The following YES1 variants were observed in gnomAD, a reference collection of about 807,000 sequenced individuals.
YES1 encodes tyrosine-protein kinase Yes.
Under a neutral mutation model 70.4 loss-of-function variants are expected in YES1, and 39 were observed. The observed-to-expected ratio is 0.55, with a 90% CI of 0.43 to 0.72. YES1 has a LOEUF of 0.72. YES1 is among the 30% of genes least tolerant of loss of function. The pLI is 0.00. For missense variants in YES1, 495 were observed against 644.8 expected (o/e 0.77, Z 2.52); for synonymous variants, 198 against 218.6 (o/e 0.91, Z 0.83).
rs374280156 is a variant in YES1 at position 730,834 on chromosome 18, C to T, written c.1423+2000G>A. ...CCTCATGGTTATACATTTAAAGTGA[C>T]ACTATGTTGCATGGCTGTGTGGTTT... On this transcript the variant is annotated intron_variant, in intron 11 of 11. Coordinates refer to ENST00000314574, the MANE Select transcript of YES1 (RefSeq NM_005433.4). 8.5e-5 allele frequency among the ~76,000 whole-genome samples: 13 copies of T among 152,286 alleles called. No individual in the cohort carries two copies. The East Asian group carries it at 1.3e-3, about 16-fold the overall frequency.
rs2079992216 is a variant in YES1, at chr18:724,295, T to C, written c.*129A>G. On this transcript the variant is annotated 3_prime_UTR_variant, in exon 12 of 12. Transcript: ENST00000314574. The stretch of plus-strand genomic sequence containing the variant: ...AAAAAAGTGGTTTTGTGCAACCATA[T>C]CTGGGATTCCAGTTTACCATTAAAA... 1.1e-6 allele frequency: 1 copy of C among 910,934 alleles called. No homozygotes were observed. The highest frequency in any genetic ancestry group is 1.6e-6 in the Non-Finnish European group (1 of 610,498). The allele number at this position is 910,934 out of a possible 1,614,324, so 56.4% of individuals were successfully genotyped here. A position where few individuals can be genotyped will look rare whatever the true frequency, so the allele number is the denominator to read the frequency against.
chr18:780,746 G>T (rs1490215803), intron 1 of YES1, among the ~76,000 whole-genome samples: 9 of 152,054 alleles, frequency 5.9e-5, no homozygotes, highest in Non-Finnish European at 8.8e-5. Flanking sequence ...CTATAGGGTT[G>T]CCTATACTTC....
rs547714541 is a variant in YES1 at position 726,428 on chromosome 18, A to G, written c.1424-1796T>C. Among the ~76,000 whole-genome samples, 201 of 150,972 alleles carry G rather than the reference A, an allele frequency of 1.3e-3. 1 individual carries two copies. In the Middle Eastern group the frequency reaches 0.021, roughly 16 times the overall value. On this transcript the variant is annotated intron_variant, in intron 11 of 11. Transcript: ENST00000314574. The stretch of plus-strand genomic sequence containing the variant: ...TGACAGAGTGGGACTCCATCTCAAA[A>G]ACACAAAAACAAAAACAACTTCACT...
chr18:735,221 T>C (rs1037994762), intron 10 of YES1, among the ~76,000 whole-genome samples: 3 of 149,236 alleles, frequency 2.0e-5, no homozygotes, highest in African/African-American at 7.4e-5. Flanking sequence ...AGCAGCACAA[T>C]TCGCAATTGC....
At chr18:744,590 A>G (rs1479394409) in intron 6 of YES1, among the ~76,000 whole-genome samples, 1 of 148,164 alleles carries the variant, frequency 6.7e-6, no homozygotes, top group African/African-American at 2.5e-5. Context: ...GGGTTTTGCC[A>G]TGTTGCCCAG....
intron 10 of YES1, among the ~76,000 whole-genome samples, chr18:734,809 G>A (rs62088290): frequency 0.12 from 18,172 of 152,036 alleles, 1,221 homozygotes; most frequent in East Asian, 0.27. Context: ...CTTAAAGAAC[G>A]AAAAGCAGAA....
chr18:793,792 C>T (rs961606127), intron 1 of YES1, among the ~76,000 whole-genome samples: 1 of 152,104 alleles, frequency 6.6e-6, no homozygotes, highest in African/African-American at 2.4e-5. Context: ...TGATAGGGAT[C>T]TATCAAAAGT....
chr18:729,094 C>T (rs2145667533), intron 11 of YES1, among the ~76,000 whole-genome samples: 1 of 152,266 alleles, frequency 6.6e-6, no homozygotes, highest in East Asian at 1.9e-4. Flanking sequence ...TTTCACTATG[C>T]CCCACTGGTT....
chr18:734,990 T>G (rs956345275), intron 10 of YES1, among the ~76,000 whole-genome samples: 12 of 151,866 alleles, frequency 7.9e-5, no homozygotes, highest in African/African-American at 2.9e-4. Flanking sequence ...AAACCGTGTC[T>G]CTACTAAAAT....
At chr18:785,622 C>T (rs1222270102) in intron 1 of YES1, among the ~76,000 whole-genome samples, 1 of 152,042 alleles carries the variant, frequency 6.6e-6, no homozygotes, top group Non-Finnish European at 1.5e-5. Context: ...ATCCACAATG[C>T]AACAGTGTTG....
At chr18:765,234 GGAAA>G (rs1363913014) in intron 1 of YES1, among the ~76,000 whole-genome samples, 1 of 104,298 alleles carries the variant, frequency 9.6e-6, no homozygotes, top group Non-Finnish European at 1.9e-5. Context: ...GACAGGTTTG[GGAAA>G]GAGTTACAAC....
Position 756,569 on chromosome 18 carries a change from C to T in YES1, c.259G>A (p.Ala87Thr), listed in dbSNP as rs576673688. 51 of 1,614,124 alleles carry T rather than the reference C, an allele frequency of 3.2e-5. 1 individual carries two copies. In the South Asian group the frequency reaches 3.5e-4, roughly 11 times the overall value. ...ATTTAAATCTCACCTGTTAAACCAG[C>T]AGGATATGAACTTGGCACCACTGAA... Reference protein sequence around the residue: ...SFSVVPSSYPAGLTGGVTIFV... With the variant: ...SFSVVPSSYPTGLTGGVTIFV... The change falls in exon 2 of 12, where the codon GCT becomes ACT. Residue 87 changes from alanine (A) to threonine (T), a missense_variant. Ala to Thr is a moderately conservative substitution (Grantham distance 58). Coordinates refer to ENST00000314574, the MANE Select transcript of YES1 (RefSeq NM_005433.4).
intron 1 of YES1, among the ~76,000 whole-genome samples, chr18:781,225 C>T (rs931687942): frequency 2.8e-5 from 4 of 141,650 alleles, no homozygotes; most frequent in Admixed American, 2.3e-4. Context: ...GCCGAGATCG[C>T]GCCATTGCAC....
intron 8 of YES1, among the ~76,000 whole-genome samples, chr18:741,861 T>C (rs979791048): frequency 3.5e-4 from 53 of 152,332 alleles, no homozygotes; most frequent in African/African-American, 1.3e-3. Context: ...TGGCAACTGT[T>C]TGCAGTAGAC....
intron 1 of YES1, among the ~76,000 whole-genome samples, chr18:771,862 G>A (rs745654368): frequency 1.2e-4 from 19 of 152,026 alleles, no homozygotes; most frequent in African/African-American, 4.1e-4. Context: ...ATTTCCTTAT[G>A]TATCTGCTTG....
At chr18:734,219 C>T (rs903304377) in intron 10 of YES1, among the ~76,000 whole-genome samples, 2 of 151,430 alleles carry the variant, frequency 1.3e-5, no homozygotes, top group Admixed American at 6.6e-5. Flanking sequence ...GCAGAGGTTG[C>T]AGTGAGCCAA....
In YES1 at chr18:756,722, G is replaced by T. The variant is rs1381607613; in HGVS notation, c.106C>A (p.Pro36Thr). Residue 36 changes from proline to threonine, a missense_variant, in exon 2 of 12, where the codon CCC becomes ACC. Transcript: ENST00000314574. ...GACGGACATGGTGACACTGTAGTGG[G>T]TTCTGCTCCATAATGGCTCACACTT... ...STSVSHYGAEPTTVSPCPSSS... is the reference protein window; with the variant it reads ...STSVSHYGAETTTVSPCPSSS... The T allele has an allele frequency of 1.2e-6, 2 of 1,614,018 alleles. No individual in the cohort carries two copies. The highest frequency in any genetic ancestry group is 2.2e-5 in the East Asian group (1 of 44,892).
chr18:727,945 CCAGA>C (rs1282798043), intron 11 of YES1, among the ~76,000 whole-genome samples: 2 of 152,058 alleles, frequency 1.3e-5, no homozygotes, highest in Non-Finnish European at 2.9e-5. Flanking sequence ...ATGTTTGGGA[CCAGA>C]AGTGTTTCCG....
At chr18:794,032 C>T (rs1906409605) in intron 1 of YES1, among the ~76,000 whole-genome samples, 1 of 152,188 alleles carries the variant, frequency 6.6e-6, no homozygotes, top group African/African-American at 2.4e-5. Flanking sequence ...ACTCTTACTG[C>T]AATAATTAAT....
Sources: gnomAD v4.1 joint callset for allele counts (sites outside exome capture counted in the v4.1 genomes callset) on GRCh38, gnomAD v4.1.1 for gene constraint, MANE v1.5 for transcripts, NCBI Gene and HGNC (gene_info 2026-07-23, HGNC 2026-07-21) for gene names.